MECOM: variants seen among roughly 807,000 people sequenced by gnomAD.
The protein encoded by MECOM is histone-lysine N-methyltransferase MECOM.
MECOM carries 13 observed loss-of-function variants against 116.3 expected under a neutral mutation model. The ratio of observed to expected loss-of-function variants is 0.11; its 90% CI spans 0.07 to 0.18. The LOEUF (loss-of-function observed/expected upper bound fraction) is 0.18, where lower values mean the gene tolerates loss of function less well. MECOM is among the 10% of genes least tolerant of loss of function. The probability of loss-of-function intolerance (pLI) is 1.00; values close to 1 mark genes in which losing one functional copy is unlikely to be tolerated. For missense variants in MECOM, 1,299 were observed against 1,509.0 expected, an observed-to-expected ratio of 0.86 and a Z score of 2.31; for synonymous variants, 528 against 535.2, an observed-to-expected ratio of 0.99 and a Z score of 0.19.
intron 1 of MECOM, among the ~76,000 whole-genome samples, chr3:169,395,535 T>A (rs1329273850): frequency 6.6e-6 from 1 of 152,148 alleles, no homozygotes; most frequent in Admixed American, 6.6e-5. Context: ...CTCAAGATAC[T>A]GATAGATTAA....
chr3:169,101,456 T>G (rs1293858770), intron 11 of MECOM, among the ~76,000 whole-genome samples: 2 of 152,156 alleles, frequency 1.3e-5, no homozygotes, highest in Non-Finnish European at 2.9e-5. Context: ...CATAAAAGCT[T>G]TATTTCTGGA....
At chr3:169,632,644 AT>A (rs1772232534) in intron 1 of MECOM, among the ~76,000 whole-genome samples, 2 of 152,290 alleles carry the variant, frequency 1.3e-5, no homozygotes, top group South Asian at 4.1e-4. Context: ...CAAACAGTAG[AT>A]TGGCCAGAGT....
chr3:169,320,042 G>A (rs369423805), intron 2 of MECOM, among the ~76,000 whole-genome samples: 4 of 152,178 alleles, frequency 2.6e-5, no homozygotes, highest in East Asian at 1.9e-4. Context: ...GAGATAAGAC[G>A]ATTGTCTAGA....
chr3:169,620,912 A>G (rs1770633311), intron 1 of MECOM, among the ~76,000 whole-genome samples: 1 of 152,250 alleles, frequency 6.6e-6, no homozygotes, highest in Non-Finnish European at 1.5e-5. Context: ...AAAACGTAGC[A>G]TGAGAAATAT....
chr3:169,577,005 C>T (rs1764596497), intron 1 of MECOM, among the ~76,000 whole-genome samples: 1 of 152,164 alleles, frequency 6.6e-6, no homozygotes, highest in Non-Finnish European at 1.5e-5. Flanking sequence ...GCTAACGCTA[C>T]TTTAGACATG....
chr3:169,291,149 G>C (rs1489738998), intron 2 of MECOM, among the ~76,000 whole-genome samples: 1 of 151,998 alleles, frequency 6.6e-6, no homozygotes, highest in Admixed American at 6.6e-5. Flanking sequence ...TCAAACTTTG[G>C]TGAACAGTAG....
rs200727755 is a variant in MECOM, at chr3:169,421,687, T to TA, written c.38-40164dup. On this transcript the variant is annotated intron_variant, in intron 1 of 16. Coordinates refer to ENST00000651503, the MANE Select transcript of MECOM (RefSeq NM_004991.4). Reference sequence around the variant, plus strand: ...ATCACTTATAGCATGTTTGTTTTTTTAAAAAAAAAAAACAAAACGATTTCT... The same window carrying TA: ...ATCACTTATAGCATGTTTGTTTTTTTAAAAAAAAAAAAACAAAACGATTTCT... Among the ~76,000 whole-genome samples, 232 of 146,896 alleles carry TA rather than the reference T, an allele frequency of 1.6e-3. 1 individual carries two copies. Among genetic ancestry groups the TA allele is most frequent in the African/African-American group, 3.1e-3 (126 of 40,134 alleles).
intron 1 of MECOM, among the ~76,000 whole-genome samples, chr3:169,536,888 T>A (rs1459576282): frequency 6.6e-6 from 1 of 152,182 alleles, no homozygotes. Context: ...AATCTCACAA[T>A]CCTAAAAGTA....
At chr3:169,447,931 A>G (rs1744922280) in intron 1 of MECOM, 1 of 152,326 alleles carries the variant, frequency 6.6e-6, no homozygotes, top group South Asian at 2.1e-4. Flanking sequence ...AATGAAGCTG[A>G]AATGGTAAGT....
intron 2 of MECOM, among the ~76,000 whole-genome samples, chr3:169,377,648 C>A (rs562796555): frequency 6.6e-6 from 1 of 151,976 alleles, no homozygotes; most frequent in Admixed American, 6.6e-5. Flanking sequence ...GTTAGAGTGG[C>A]GATCATTAAA....
intron 2 of MECOM, among the ~76,000 whole-genome samples, chr3:169,220,689 G>A (rs1394730965): frequency 6.6e-6 from 1 of 152,066 alleles, no homozygotes; most frequent in Admixed American, 6.6e-5. Flanking sequence ...TGGCTAGGCT[G>A]GTCTCAAACT....
chr3:169,462,019 T>C (rs1224855893), intron 1 of MECOM, among the ~76,000 whole-genome samples: 1 of 152,148 alleles, frequency 6.6e-6, no homozygotes, highest in Admixed American at 6.6e-5. Flanking sequence ...TATCCAAATA[T>C]TCGCTAGTGT....
intron 1 of MECOM, among the ~76,000 whole-genome samples, chr3:169,535,154 T>C (rs1759196674): frequency 1.3e-5 from 2 of 152,122 alleles, no homozygotes; most frequent in South Asian, 4.1e-4. Context: ...CCTTAACTAA[T>C]ATGCATCCAC....
chr3:169,266,272 A>T (rs1283969169), intron 2 of MECOM, among the ~76,000 whole-genome samples: 1 of 152,182 alleles, frequency 6.6e-6, no homozygotes, highest in Non-Finnish European at 1.5e-5. Flanking sequence ...GTTGCCCATA[A>T]ACACATCTGT....
chr3:169,226,846 T>G (rs199588270), intron 2 of MECOM, among the ~76,000 whole-genome samples: 2 of 152,204 alleles, frequency 1.3e-5, no homozygotes, highest in East Asian at 1.9e-4. Flanking sequence ...ATTTCTCCCA[T>G]GTATGGAAGA....
At chr3:169,599,325 C>T (rs111801672) in intron 1 of MECOM, among the ~76,000 whole-genome samples, 11,119 of 152,050 alleles carry the variant, frequency 0.073, 457 homozygotes, top group East Asian at 0.14. Context: ...ACCATTCTGG[C>T]CAACATGGTG....
chr3:169,330,418 A>G (rs187430389), intron 2 of MECOM, among the ~76,000 whole-genome samples: 13 of 152,328 alleles, frequency 8.5e-5, no homozygotes, highest in Non-Finnish European at 1.6e-4. Flanking sequence ...TGGAGCTCAG[A>G]TAACTATTAT....
chr3:169,629,867 A>G lies in MECOM; in HGVS notation c.37+33469T>C, dbSNP rs1771862980. Reference sequence around the variant, plus strand: ...AACGGGGACACACTTCACCACCTCAACAACCACTGGTGGTCCATGCAGCAC... The same window carrying G: ...AACGGGGACACACTTCACCACCTCAGCAACCACTGGTGGTCCATGCAGCAC... On this transcript the variant is annotated intron_variant, in intron 1 of 16. Transcript: ENST00000651503. Among the ~76,000 whole-genome samples the G allele has an allele frequency of 2.6e-5, 4 of 152,224 alleles. No homozygotes were observed. The South Asian group carries it at 8.3e-4, about 31-fold the overall frequency.
intron 2 of MECOM, among the ~76,000 whole-genome samples, chr3:169,221,690 G>A (rs1001176382): frequency 5.3e-5 from 8 of 152,050 alleles, no homozygotes; most frequent in African/African-American, 1.4e-4. Context: ...TTTGGCTGAC[G>A]TGTCCTTCAG....
Sources: gnomAD v4.1 joint callset for allele counts (sites outside exome capture counted in the v4.1 genomes callset) on GRCh38, gnomAD v4.1.1 for gene constraint, MANE v1.5 for transcripts, NCBI Gene and HGNC (gene_info 2026-07-23, HGNC 2026-07-21) for gene names.